The following CNN1 variants were observed in gnomAD, a reference collection of about 807,000 sequenced individuals.
The protein encoded by CNN1 is calponin-1.
A neutral mutation model predicts 35.3 loss-of-function variants in CNN1; 21 were observed. The observed-to-expected ratio is 0.60, with a 90% CI of 0.42 to 0.86. CNN1 has a LOEUF of 0.86. CNN1 is among the 40% of genes least tolerant of loss of function. The pLI is 0.00. For synonymous variants in CNN1, 164 were observed against 161.8 expected (o/e 1.01, Z -0.10); for missense variants, 314 against 400.8 (o/e 0.78, Z 1.85).
At chr19:11,541,532 G>A (rs1265644667) in intron 2 of CNN1, among the ~76,000 whole-genome samples, 1 of 152,156 alleles carries the variant, frequency 6.6e-6, no homozygotes, top group Admixed American at 6.5e-5. Flanking sequence ...TGGCTGGCTT[G>A]GTGATGTGAG....
intron 2 of CNN1, chr19:11,541,794 T>C (rs1972467602): frequency 6.6e-6 from 1 of 151,694 alleles, no homozygotes; most frequent in Non-Finnish European, 1.5e-5. Context: ...GGTTTCACCA[T>C]GTTGGCCAGG....
At chr19:11,545,265 A>G (rs1461990455) in intron 2 of CNN1, among the ~76,000 whole-genome samples, 1 of 151,028 alleles carries the variant, frequency 6.6e-6, no homozygotes, top group Non-Finnish European at 1.5e-5. Context: ...GATGAAGTGG[A>G]AGTTGGGAGC....
Position 11,549,289 on chromosome 19 carries a change from A to G in CNN1, c.502-34A>G, listed in dbSNP as rs1363440170. 2 of 1,612,378 alleles carry G rather than the reference A, an allele frequency of 1.2e-6. No homozygotes were observed. Among genetic ancestry groups the G allele is most frequent in the Non-Finnish European group, 1.7e-6 (2 of 1,178,652 alleles). ...CCTCATGGCCCATGATGAGGTCTGTAATTATTGGTGTGATTCTCCTTCTGG... is the reference window on the plus strand; with the variant it reads ...CCTCATGGCCCATGATGAGGTCTGTGATTATTGGTGTGATTCTCCTTCTGG... On this transcript the variant is annotated intron_variant, in intron 5 of 6. Coordinates refer to ENST00000252456, the MANE Select transcript of CNN1 (RefSeq NM_001299.6). This position sits in a 1 kb window ranked among gnomAD's most constrained non-coding sequence, Gnocchi z 5.2.
At chr19:11,547,433 G>A (rs952918111) in intron 4 of CNN1, among the ~76,000 whole-genome samples, 2 of 151,560 alleles carry the variant, frequency 1.3e-5, no homozygotes, top group Non-Finnish European at 1.5e-5. Flanking sequence ...AGTGTTGGCC[G>A]GGCACGGTGG....
chr19:11,540,490 G>A (rs1463483457), intron 1 of CNN1: 1 of 152,746 alleles, frequency 6.5e-6, no homozygotes, highest in Non-Finnish European at 1.5e-5. Flanking sequence ...AGGAGTCGGG[G>A]GGATAAGAGG....
rs1000742494 is a variant in CNN1, at chr19:11,538,868, C to A, written c.-60C>A. The A allele has an allele frequency of 3.6e-6, 5 of 1,395,338 alleles. No homozygotes were observed. Among genetic ancestry groups the A allele is most frequent in the African/African-American group, 1.5e-5 (1 of 68,072 alleles). The allele number at this position is 1,395,338 out of a possible 1,614,324, so 86.4% of individuals were successfully genotyped here. Reference sequence around the variant, plus strand: ...AAGAGTGTGCAGACGGAACTTCAGCCGCTGCCTCTGTTCTCAGCGTCAGTG... The same window carrying A: ...AAGAGTGTGCAGACGGAACTTCAGCAGCTGCCTCTGTTCTCAGCGTCAGTG... On this transcript the variant is annotated 5_prime_UTR_variant, in exon 1 of 7. Coordinates refer to ENST00000252456, the MANE Select transcript of CNN1 (RefSeq NM_001299.6).
intron 1 of CNN1, chr19:11,539,578 C>A: frequency 3.0e-6 from 3 of 988,010 alleles, no homozygotes; most frequent in South Asian, 1.6e-5. Flanking sequence ...AGGTACAGCG[C>A]TCGGACCCTG....
At chr19:11,539,963 G>C in intron 1 of CNN1, 1 of 1,083,532 alleles carries the variant, frequency 9.2e-7, no homozygotes, top group South Asian at 2.2e-5. Context: ...GCTATATAAG[G>C]GCCGGTTTGC....
Position 11,549,916 on chromosome 19 carries a change from A to C in CNN1, c.*121A>C. On this transcript the variant is annotated 3_prime_UTR_variant, in exon 7 of 7. Transcript: ENST00000252456. The surrounding 1 kb of genome is among the most constrained non-coding windows in gnomAD (Gnocchi z 5.2). ...CATCCTCCAGCCCCTGTAGAACTCA[A>C]CCTCTACAGGGTTAGAGTTTGGAGA... 2.1e-6 allele frequency: 3 copies of C among 1,399,762 alleles called. No individual in the cohort carries two copies. The highest frequency in any genetic ancestry group is 2.9e-6 in the Non-Finnish European group (3 of 1,030,424). 86.7% of individuals were successfully genotyped at this position (1,399,762 alleles called of 1,614,324 possible).
chr19:11,541,423 A>C (rs932336970), intron 2 of CNN1, among the ~76,000 whole-genome samples: 1 of 152,166 alleles, frequency 6.6e-6, no homozygotes, highest in African/African-American at 2.4e-5. Context: ...TGACTCTAGA[A>C]TCTTAACCAC....
intron 4 of CNN1, 44 bp downstream of exon 4, chr19:11,547,013 G>A (rs772556963): frequency 1.2e-6 from 2 of 1,609,388 alleles, no homozygotes; most frequent in Non-Finnish European, 1.7e-6. Context: ...GGGCAGCCTG[G>A]GCTGGGATGC....
intron 1 of CNN1, chr19:11,540,754 C>A: frequency 4.2e-6 from 1 of 236,736 alleles, no homozygotes; most frequent in South Asian, 9.2e-5. Context: ...CAAGTTTGGC[C>A]TGGGCGAAAA....
intron 1 of CNN1, 38 bp from the exon 2 acceptor site, chr19:11,541,038 C>A: frequency 6.4e-7 from 1 of 1,565,722 alleles, no homozygotes; most frequent in Non-Finnish European, 8.6e-7. Context: ...TGCATCCTCA[C>A]CCCTTTCTCT....
At chr19:11,543,952 C>T (rs536192903) in intron 2 of CNN1, among the ~76,000 whole-genome samples, 54 of 151,534 alleles carry the variant, frequency 3.6e-4, no homozygotes, top group African/African-American at 1.3e-3. Flanking sequence ...CCCACGCACT[C>T]CGGTCATTCA....
intron 2 of CNN1, 108 bp downstream of exon 2, chr19:11,541,305 T>C: frequency 6.4e-6 from 9 of 1,402,598 alleles, no homozygotes; most frequent in Non-Finnish European, 8.6e-6. Flanking sequence ...CACTTTCTAT[T>C]GGATACCTTT....
intron 1 of CNN1, chr19:11,540,750 TG>T (rs1482548411): frequency 4.3e-6 from 1 of 230,860 alleles, no homozygotes; most frequent in East Asian, 1.0e-4. Context: ...GCCCCAAGTT[TG>T]GCCTGGGCGA....
At chr19:11,547,978 G>T in intron 5 of CNN1, 71 bp downstream of exon 5, 1 of 1,247,524 alleles carries the variant, frequency 8.0e-7, no homozygotes. Context: ...AAGGCTTTTG[G>T]GGACAGGATA....
chr19:11,540,082 T>G, intron 1 of CNN1: 1 of 1,021,932 alleles, frequency 9.8e-7, no homozygotes, highest in Non-Finnish European at 1.2e-6. Flanking sequence ...GGCAGCCCGG[T>G]CCCCTAGGGG....
At chr19:11,540,185 A>G in intron 1 of CNN1, 1 of 430,484 alleles carries the variant, frequency 2.3e-6, no homozygotes, top group Non-Finnish European at 3.1e-6. Context: ...AAAAGCAGGG[A>G]GGTGGGGGGA....
Sources: allele counts gnomAD v4.1 joint callset (sites outside exome capture counted in the v4.1 genomes callset), GRCh38; gene constraint gnomAD v4.1.1; non-coding constraint Gnocchi (gnomAD v3.1); transcripts MANE v1.5; gene names NCBI Gene and HGNC (gene_info 2026-07-23, HGNC 2026-07-21).